IQCM: variants seen among roughly 807,000 people sequenced by gnomAD.
IQCM encodes the protein IQ motif containing M.
Under a neutral mutation model 57.6 loss-of-function variants are expected in IQCM, and 45 were observed. The ratio of observed to expected loss-of-function variants is 0.78; its 90% CI spans 0.62 to 1.00. The LOEUF (loss-of-function observed/expected upper bound fraction) is 1.00. Among genes scored for constraint, IQCM ranks in the 50% least tolerant of loss-of-function variants. IQCM has a pLI of 0.00. For missense variants in IQCM, 468 were observed against 511.6 expected (o/e 0.91, Z 0.82); for synonymous variants, 148 against 158.9 (o/e 0.93, Z 0.51).
At chr4:149,619,346 G>C (rs1039444534) in intron 8 of IQCM, among the ~76,000 whole-genome samples, 1 of 151,916 alleles carries the variant, frequency 6.6e-6, no homozygotes. Context: ...ATGGGAAAGG[G>C]GTGAGGGATG....
chr4:149,607,365 A>G (rs186989143), intron 8 of IQCM, among the ~76,000 whole-genome samples: 8 of 152,228 alleles, frequency 5.3e-5, no homozygotes, highest in African/African-American at 1.4e-4. Context: ...CACTGACACC[A>G]GACCTGTTTT....
At position 149,586,555 on chromosome 4, in the gene IQCM, TG is replaced by T. The variant is rs571751261; in HGVS notation, c.749+1374del. On this transcript the variant is annotated intron_variant, in intron 9 of 13. Coordinates refer to ENST00000636793, the MANE Select transcript of IQCM (RefSeq NM_001363507.2). The stretch of plus-strand genomic sequence containing the variant: ...TTTTATTAATCTTTTCAAAGATTAA[TG>T]TGCTTTGTTAATTTGATTTATTGTT... Among the ~76,000 whole-genome samples, 466 of 151,828 alleles carry T rather than the reference TG, an allele frequency of 3.1e-3. 3 individuals carry two copies. The highest frequency in any genetic ancestry group is 5.5e-3 in the Non-Finnish European group (371 of 67,766).
chr4:149,639,280 G>T (rs1757982784), intron 7 of IQCM, among the ~76,000 whole-genome samples: 1 of 151,912 alleles, frequency 6.6e-6, no homozygotes, highest in Non-Finnish European at 1.5e-5. Context: ...TTAAAAATTA[G>T]CTGCACATGG....
chr4:149,470,580 C>T (rs1291160322), intron 12 of IQCM, among the ~76,000 whole-genome samples: 1 of 152,140 alleles, frequency 6.6e-6, no homozygotes, highest in Non-Finnish European at 1.5e-5. Context: ...AGAAAGTTAA[C>T]AAGGATATCC....
intron 13 of IQCM, among the ~76,000 whole-genome samples, chr4:149,399,771 A>AAAT (rs1732484171): frequency 6.6e-6 from 1 of 152,086 alleles, no homozygotes; most frequent in Admixed American, 6.6e-5. Context: ...TGTAAGACAG[A>AAAT]AATAATAGCT....
intron 12 of IQCM, among the ~76,000 whole-genome samples, chr4:149,451,717 G>T (rs1165955208): frequency 6.6e-6 from 1 of 151,670 alleles, no homozygotes; most frequent in Non-Finnish European, 1.5e-5. Flanking sequence ...AATTTTCTCA[G>T]CGGTGTACAG....
At chr4:149,608,582 G>A (rs931304342) in intron 8 of IQCM, among the ~76,000 whole-genome samples, 6 of 151,798 alleles carry the variant, frequency 4.0e-5, no homozygotes, top group African/African-American at 1.4e-4. Context: ...AACTACAATG[G>A]AATAAAATAG....
At chr4:149,555,487 C>T (rs1749492578) in intron 10 of IQCM, among the ~76,000 whole-genome samples, 1 of 152,114 alleles carries the variant, frequency 6.6e-6, no homozygotes, top group African/African-American at 2.4e-5. Flanking sequence ...AACTGTAGTA[C>T]CAATATACAT....
At chr4:149,554,295 C>A (rs143183359) in intron 10 of IQCM, among the ~76,000 whole-genome samples, 1 of 152,226 alleles carries the variant, frequency 6.6e-6, no homozygotes, top group African/African-American at 2.4e-5. Context: ...AGAGGCATTC[C>A]AGAGCCCACT....
intron 3 of IQCM, among the ~76,000 whole-genome samples, chr4:149,738,557 A>G (rs896759106): frequency 2.6e-5 from 4 of 152,194 alleles, no homozygotes; most frequent in Non-Finnish European, 4.4e-5. Context: ...TGCTGGGGCC[A>G]GAAAGCAGAT....
At chr4:149,716,525 A>C (rs1024958077) in intron 5 of IQCM, among the ~76,000 whole-genome samples, 5 of 152,096 alleles carry the variant, frequency 3.3e-5, no homozygotes, top group African/African-American at 1.2e-4. Flanking sequence ...AGAAGGCAAG[A>C]TCCTCCAACG....
intron 12 of IQCM, among the ~76,000 whole-genome samples, chr4:149,539,383 G>A (rs1449801529): frequency 6.6e-6 from 1 of 152,156 alleles, no homozygotes; most frequent in Non-Finnish European, 1.5e-5. Flanking sequence ...GTCTGGGGCT[G>A]GGGGTAAGAG....
intron 5 of IQCM, among the ~76,000 whole-genome samples, chr4:149,687,542 C>T (rs1286613756): frequency 3.3e-5 from 5 of 151,486 alleles, no homozygotes; most frequent in Admixed American, 6.6e-5. Flanking sequence ...GAAATTGATG[C>T]CAATCATTCT....
intron 7 of IQCM, among the ~76,000 whole-genome samples, chr4:149,639,010 G>A (rs1029372346): frequency 1.3e-5 from 2 of 152,192 alleles, no homozygotes; most frequent in African/African-American, 4.8e-5. Context: ...AGAGAGTGGA[G>A]CAAGGGTAAA....
chr4:149,621,247 G>A lies in IQCM; in HGVS notation c.566-3C>T, dbSNP rs780385126. The A allele has an allele frequency of 1.9e-4, 227 of 1,212,864 alleles. 1 individual carries two copies. Among genetic ancestry groups the A allele is most frequent in the Non-Finnish European group, 2.1e-4 (207 of 970,482 alleles). 75.1% of individuals were successfully genotyped at this position (1,212,864 alleles called of 1,614,324 possible). A position where few individuals can be genotyped will look rare whatever the true frequency, so the allele number is the denominator to read the frequency against. ...TCTCCAGTCATAGAATGCTTTGTCT[G>A]TTAGAAATATCAATGCAGGTTAAAA... On this transcript the variant is annotated splice_region_variant and splice_polypyrimidine_tract_variant and intron_variant, in intron 7 of 13. Coordinates refer to ENST00000636793, the MANE Select transcript of IQCM (RefSeq NM_001363507.2).
chr4:149,652,532 T>C (rs1174869374), intron 7 of IQCM, among the ~76,000 whole-genome samples: 1 of 151,716 alleles, frequency 6.6e-6, no homozygotes, highest in East Asian at 1.9e-4. Context: ...ATCTCCTCTA[T>C]TAAAAGAACA....
At chr4:149,528,175 G>T (rs1329509162) in intron 12 of IQCM, among the ~76,000 whole-genome samples, 2 of 151,830 alleles carry the variant, frequency 1.3e-5, no homozygotes, top group African/African-American at 4.8e-5. Context: ...TATTAGAGAT[G>T]GGGTTTCACC....
chr4:149,463,966 A>G lies in IQCM; in HGVS notation c.1229-30409T>C, dbSNP rs183617386. On this transcript the variant is annotated intron_variant, in intron 12 of 13. Coordinates refer to ENST00000636793, the MANE Select transcript of IQCM (RefSeq NM_001363507.2). ...GTAGGACCTTTTTCGAAAGTTTTGAATCATGCTATTTTGAAAGAAAACTTG... is the reference window on the plus strand; with the variant it reads ...GTAGGACCTTTTTCGAAAGTTTTGAGTCATGCTATTTTGAAAGAAAACTTG... Among the ~76,000 whole-genome samples, 39 of 152,338 alleles carry G rather than the reference A, an allele frequency of 2.6e-4. 1 individual carries two copies. In the East Asian group the frequency reaches 7.3e-3, roughly 29 times the overall value.
intron 13 of IQCM, among the ~76,000 whole-genome samples, chr4:149,416,040 T>G (rs2111195061): frequency 6.6e-6 from 1 of 152,212 alleles, no homozygotes; most frequent in South Asian, 2.1e-4. Context: ...ACCCTAGAAC[T>G]TAAAGTATAA....
Sources: gnomAD v4.1 joint callset for allele counts (sites outside exome capture counted in the v4.1 genomes callset) on GRCh38, gnomAD v4.1.1 for gene constraint, MANE v1.5 for transcripts, NCBI Gene and HGNC (gene_info 2026-07-23, HGNC 2026-07-21) for gene names.